Variants in NIPBL observed in about 807,000 individuals in gnomAD.
The protein encoded by NIPBL is nipped-B-like protein.
Under a neutral mutation model 321.8 loss-of-function variants are expected in NIPBL, and 19 were observed. That is an observed-to-expected ratio of 0.06 (90% CI 0.04 to 0.09). The LOEUF (loss-of-function observed/expected upper bound fraction) is 0.09. Ranked by LOEUF, NIPBL falls within the 10% of genes least tolerant of loss-of-function variation. The pLI, the probability that NIPBL is intolerant of heterozygous loss-of-function variation, is 1.00. For synonymous variants in NIPBL, 1,106 were observed against 1,114.1 expected (o/e 0.99, Z 0.14); for missense variants, 2,210 against 3,327.0 (o/e 0.66, Z 8.26).
At chr5:36,941,902 A>G (rs1278372575) in intron 1 of NIPBL, among the ~76,000 whole-genome samples, 1 of 152,140 alleles carries the variant, frequency 6.6e-6, no homozygotes, top group African/African-American at 2.4e-5. Flanking sequence ...GACCATGAGT[A>G]TATTAATTTA....
rs545730720 is a variant in NIPBL at position 36,889,526 on chromosome 5, C to A, written c.-80+12348C>A. Among the ~76,000 whole-genome samples, 3 of 152,206 alleles carry A rather than the reference C, an allele frequency of 2.0e-5. No homozygotes were observed. In the East Asian group the frequency reaches 5.8e-4, roughly 29 times the overall value. On this transcript the variant is annotated intron_variant, in intron 1 of 46. Coordinates refer to ENST00000282516, the MANE Select transcript of NIPBL (RefSeq NM_133433.4). Reference sequence around the variant, plus strand: ...GTCAGGGTGCCACTGCACTGTCCTCCGTATTCATATGAGGATGTCTAAAAA... The same window carrying A: ...GTCAGGGTGCCACTGCACTGTCCTCAGTATTCATATGAGGATGTCTAAAAA...
intron 1 of NIPBL, among the ~76,000 whole-genome samples, chr5:36,952,474 C>T (rs292181): frequency 0.14 from 21,507 of 152,040 alleles, 1,895 homozygotes; most frequent in East Asian, 0.31. Flanking sequence ...TTGATTAATG[C>T]GTACATTGTT....
chr5:37,026,952 T>G (rs1750350085), intron 31 of NIPBL, among the ~76,000 whole-genome samples: 1 of 151,968 alleles, frequency 6.6e-6, no homozygotes, highest in African/African-American at 2.4e-5. Context: ...TTCTGTATAT[T>G]CAATTACATC....
intron 1 of NIPBL, among the ~76,000 whole-genome samples, chr5:36,890,492 T>C (rs1255299088): frequency 1.3e-5 from 2 of 152,256 alleles, no homozygotes; most frequent in Non-Finnish European, 2.9e-5. Flanking sequence ...ATTTAAATGC[T>C]CCCGTTTCCC....
chr5:37,052,336 T>G (rs1451101605), intron 41 of NIPBL, 30 bp from the exon 42 acceptor site: 1 of 1,574,384 alleles, frequency 6.4e-7, no homozygotes, highest in Non-Finnish European at 8.7e-7. Flanking sequence ...TTAATTTCCC[T>G]GACAAAAATG....
chr5:37,049,912 A>G (rs1579574885), intron 40 of NIPBL, among the ~76,000 whole-genome samples: 1 of 152,174 alleles, frequency 6.6e-6, no homozygotes, highest in Non-Finnish European at 1.5e-5. Context: ...ATACCCTTCA[A>G]GATTTTTATT....
chr5:36,918,428 AGAT>A (rs950851892), intron 1 of NIPBL, among the ~76,000 whole-genome samples: 15 of 152,242 alleles, frequency 9.9e-5, no homozygotes, highest in African/African-American at 3.6e-4. Flanking sequence ...TTTTGGTCTG[AGAT>A]GATGGGGTTT....
At chr5:36,902,640 C>T (rs1432604112) in intron 1 of NIPBL, among the ~76,000 whole-genome samples, 1 of 152,188 alleles carries the variant, frequency 6.6e-6, no homozygotes, top group Non-Finnish European at 1.5e-5. Context: ...GTTTTGGTTA[C>T]TGTAGCCTTT....
chr5:37,032,151 T>C (rs1040213295), intron 32 of NIPBL, among the ~76,000 whole-genome samples: 3 of 152,202 alleles, frequency 2.0e-5, no homozygotes, highest in African/African-American at 2.4e-5. Flanking sequence ...GATTCAGATA[T>C]AAGTTGACGA....
At chr5:36,914,637 A>G (rs1326363449) in intron 1 of NIPBL, among the ~76,000 whole-genome samples, 1 of 152,208 alleles carries the variant, frequency 6.6e-6, no homozygotes, top group Non-Finnish European at 1.5e-5. Context: ...CATTACGTAT[A>G]TGCACATGTG....
At chr5:36,984,133 A>T (rs924133723) in intron 9 of NIPBL, among the ~76,000 whole-genome samples, 1 of 152,040 alleles carries the variant, frequency 6.6e-6, no homozygotes, top group Non-Finnish European at 1.5e-5. Flanking sequence ...TTCTTTTTTT[A>T]AATTCATTTT....
intron 34 of NIPBL, among the ~76,000 whole-genome samples, chr5:37,040,120 G>A (rs568845864): frequency 8.5e-4 from 129 of 152,222 alleles, no homozygotes; most frequent in African/African-American, 3.0e-3. Context: ...ATGTCTGCCA[G>A]TAGAGTCTGG....
chr5:37,016,177 G>GTA lies in NIPBL; in HGVS notation c.4776+10_4776+11dup. ...TTTGTTAGGGAGACTGTTGGTAAGA[G>GTA]TATAGCATTTAAAGATTATTAGATT... On this transcript the variant is annotated splice_region_variant and intron_variant, in intron 23 of 46. Coordinates refer to ENST00000282516, the MANE Select transcript of NIPBL (RefSeq NM_133433.4). 6.2e-7 allele frequency: 1 copy of GTA among 1,613,282 alleles called. No homozygotes were observed. Among genetic ancestry groups the GTA allele is most frequent in the East Asian group, 2.2e-5 (1 of 44,798 alleles).
chr5:37,056,128 T>C (rs1754066133), intron 42 of NIPBL, among the ~76,000 whole-genome samples: 1 of 152,182 alleles, frequency 6.6e-6, no homozygotes, highest in South Asian at 2.1e-4. Context: ...TTTGAAAATA[T>C]ATGAATTATA....
In NIPBL at chr5:37,000,470, T is replaced by A. The variant is rs755064416; in HGVS notation, c.3402T>A (p.Ser1134=). Residue 1134 remains serine (S), a synonymous_variant, in exon 12 of 47, where the codon TCT becomes TCA. Transcript: ENST00000282516. ...SSGDHRRSGH[S]HEGRRSSGGG... is the part of the protein sequence containing the mutation. ...GGGATCATAGGAGAAGTGGCCACTC[T>A]CATGAAGGAAGAAGGAGTTCAGGTG... 8.7e-6 allele frequency: 14 copies of A among 1,613,310 alleles called. No homozygotes were observed. Among genetic ancestry groups the A allele is most frequent in the Non-Finnish European group, 1.2e-5 (14 of 1,179,574 alleles).
chr5:36,959,906 T>A (rs1442173530), intron 4 of NIPBL, among the ~76,000 whole-genome samples: 1 of 151,996 alleles, frequency 6.6e-6, no homozygotes, highest in Non-Finnish European at 1.5e-5. Context: ...TTTTTTTTTT[T>A]AAAGCATTTT....
At chr5:36,958,632 G>T (rs898347371) in intron 4 of NIPBL, among the ~76,000 whole-genome samples, 2 of 152,026 alleles carry the variant, frequency 1.3e-5, no homozygotes, top group African/African-American at 4.8e-5. Context: ...TCTAGTAATT[G>T]ATTTAATACT....
In NIPBL at chr5:37,000,450, C is replaced by T; in HGVS notation, c.3382C>T (p.His1128Tyr). 2 of 1,613,366 alleles carry T rather than the reference C, an allele frequency of 1.2e-6. No homozygotes were observed. Among genetic ancestry groups the T allele is most frequent in the South Asian group, 2.2e-5 (2 of 91,058 alleles). ...GCGTGACAGAAGAAGCTCTGGGGAT[C>T]ATAGGAGAAGTGGCCACTCTCATGA... ...EERDRRSSGD[H>Y]RRSGHSHEGR... The change falls in exon 12 of 47, where the codon CAT (histidine) becomes TAT (tyrosine). Residue 1128 changes from histidine to tyrosine, a missense_variant. Physicochemically the swap from His to Tyr is moderately conservative, Grantham distance 83 (BLOSUM62 2). This residue lies in a region of NIPBL where 381 missense variants were observed against 642.3 expected (regional missense o/e 0.59). Coordinates refer to ENST00000282516, the MANE Select transcript of NIPBL (RefSeq NM_133433.4).
chr5:37,064,175 A>C, intron 46 of NIPBL, 197 bp downstream of exon 46: 1 of 1,418,798 alleles, frequency 7.0e-7, no homozygotes, highest in South Asian at 1.7e-5. Context: ...ACAATAAAAA[A>C]ACAGAAATGA....
Sources: gnomAD v4.1 joint callset for allele counts (sites outside exome capture counted in the v4.1 genomes callset) on GRCh38, gnomAD v4.1.1 for gene constraint, gnomAD v4.1.1 regional missense constraint, MANE v1.5 for transcripts, NCBI Gene and HGNC (gene_info 2026-07-23, HGNC 2026-07-21) for gene names.